The following FAM178B variants were observed in gnomAD, a reference collection of about 807,000 sequenced individuals.
The protein encoded by FAM178B is protein FAM178B.
FAM178B carries 82 observed loss-of-function variants against 91.7 expected under a neutral mutation model. The observed-to-expected ratio is 0.89, with a 90% confidence interval of 0.75 to 1.07. The LOEUF (loss-of-function observed/expected upper bound fraction) is 1.07. Among genes scored for constraint, FAM178B ranks in the 50% least tolerant of loss-of-function variants. The pLI is 0.00. For missense variants in FAM178B, 769 were observed against 846.7 expected (o/e 0.91, Z 1.14); for synonymous variants, 368 against 359.4 (o/e 1.02, Z -0.27).
At chr2:96,908,342 G>T (rs1290653261) in intron 12 of FAM178B, among the ~76,000 whole-genome samples, 2 of 152,328 alleles carry the variant, frequency 1.3e-5, no homozygotes, top group Non-Finnish European at 2.9e-5. Context: ...CAGGTGTTGA[G>T]CCAAGGAAGC....
At chr2:96,906,263 G>A (rs1342069020) in intron 12 of FAM178B, among the ~76,000 whole-genome samples, 10 of 147,032 alleles carry the variant, frequency 6.8e-5, no homozygotes, top group African/African-American at 2.0e-4. Context: ...GTGCAGTGGC[G>A]GCATCTCAGC....
chr2:96,893,206 C>G (rs1233753255), intron 14 of FAM178B, among the ~76,000 whole-genome samples: 1 of 152,148 alleles, frequency 6.6e-6, no homozygotes, highest in Non-Finnish European at 1.5e-5. Context: ...TCCCCAGGGG[C>G]AGCAGAGTAC....
Position 96,986,263 on chromosome 2 carries a change from C to T in FAM178B, c.51G>A (p.Gln17=). The T allele has an allele frequency of 6.5e-7, 1 of 1,534,576 alleles. No individual in the cohort carries two copies. The highest frequency in any genetic ancestry group is 1.2e-5 in the South Asian group (1 of 83,990). ...TACCTGTAAAATGGAGCCGCTGATC[C>T]TGCCTCCTGAGTTGTGGAGCGAGGC... The part of the protein sequence containing the change: ...GAGLAPQLRR[Q]DQRLHFTGQM... Residue 17 remains glutamine, a synonymous_variant, in exon 1 of 17, where the codon CAG becomes CAA. Transcript: ENST00000490605.
intron 9 of FAM178B, among the ~76,000 whole-genome samples, chr2:96,928,398 G>A (rs1574263018): frequency 2.0e-5 from 3 of 152,300 alleles, no homozygotes; most frequent in Admixed American, 2.0e-4. Flanking sequence ...AGCTATTTAT[G>A]CATCACGTGG....
At chr2:96,921,844 T>G (rs1251966715) in intron 10 of FAM178B, among the ~76,000 whole-genome samples, 190 bp from the exon 11 acceptor site, 1 of 151,590 alleles carries the variant, frequency 6.6e-6, no homozygotes, top group Non-Finnish European at 1.5e-5. Flanking sequence ...GTGTGGAGAG[T>G]GTGCTTGTCA....
At chr2:96,896,802 T>C (rs1360899013) in intron 13 of FAM178B, among the ~76,000 whole-genome samples, 2 of 152,206 alleles carry the variant, frequency 1.3e-5, no homozygotes, top group Non-Finnish European at 2.9e-5. Flanking sequence ...TGCCTCTCTC[T>C]TCCTTCCAGC....
rs1194285777 is a variant in FAM178B at position 96,986,225 on chromosome 2, G to A, written c.73+16C>T. 3 of 1,534,390 alleles carry A rather than the reference G, an allele frequency of 2.0e-6. No individual in the cohort carries two copies. The highest frequency in any genetic ancestry group is 1.2e-5 in the South Asian group (1 of 84,008). ...AACCACGCGCCCCTGCGGTTCCTCG[G>A]CCTCAGTTTCCTTACCTGTAAAATG... On this transcript the variant is annotated intron_variant, in intron 1 of 16. Transcript: ENST00000490605.
At chr2:96,975,094 C>CAA (rs34807786) in intron 1 of FAM178B, among the ~76,000 whole-genome samples, 1,516 of 55,758 alleles carry the variant, frequency 0.027, 141 homozygotes, top group African/African-American at 0.085. Flanking sequence ...GACTCTGTCT[C>CAA]AAAAAAAAAA....
In FAM178B at chr2:96,981,412, G is replaced by A. The variant is rs114150166; in HGVS notation, c.73+4829C>T. 6.7e-3 allele frequency among the ~76,000 whole-genome samples: 1,014 copies of A among 152,190 alleles called. 14 individuals carry two copies. Among genetic ancestry groups the A allele is most frequent in the African/African-American group, 0.023 (941 of 41,516 alleles). ...TTTCACTCTATTAATGGTATATTTC[G>A]ATAAAGAAAAGTCCTTAACTTTAAT... is the stretch of plus-strand genomic sequence containing the variant. On this transcript the variant is annotated intron_variant, in intron 1 of 16. Coordinates refer to ENST00000490605, the MANE Select transcript of FAM178B (RefSeq NM_001122646.3).
intron 1 of FAM178B, chr2:96,977,956 A>AGGGGGGGGG: frequency 8.6e-6 from 3 of 349,150 alleles, no homozygotes; most frequent in Non-Finnish European, 1.7e-5. Flanking sequence ...CGGGCGGGGG[A>AGGGGGGGGG]GGGGGGCGAC....
chr2:96,954,952 G>A (rs939216872), intron 6 of FAM178B, among the ~76,000 whole-genome samples: 1 of 152,144 alleles, frequency 6.6e-6, no homozygotes, highest in African/African-American at 2.4e-5. Context: ...TTGGGAGGCC[G>A]AGGCAAGAGG....
chr2:96,926,784 G>A (rs72942947), intron 9 of FAM178B, among the ~76,000 whole-genome samples: 2,202 of 152,310 alleles, frequency 0.014, 57 homozygotes, highest in African/African-American at 0.05. Context: ...AAGGAAATCC[G>A]AGATTAGGAA....
intron 14 of FAM178B, among the ~76,000 whole-genome samples, chr2:96,893,602 T>C (rs2080734685): frequency 6.6e-6 from 1 of 152,000 alleles, no homozygotes; most frequent in African/African-American, 2.4e-5. Context: ...ATCCAGCTCC[T>C]GCATCCTCCC....
chr2:96,952,866 A>G (rs907379052), intron 6 of FAM178B, among the ~76,000 whole-genome samples: 3 of 152,196 alleles, frequency 2.0e-5, no homozygotes. Flanking sequence ...GCATGCAAAG[A>G]ACATTTCAGA....
chr2:96,960,248 C>G, intron 6 of FAM178B, 40 bp downstream of exon 6: 1 of 1,548,572 alleles, frequency 6.5e-7, no homozygotes, highest in Non-Finnish European at 8.7e-7. Flanking sequence ...GGGTCCTGGA[C>G]AGGCTGCGCC....
chr2:96,955,005 G>A (rs571545442), intron 6 of FAM178B, among the ~76,000 whole-genome samples: 206 of 152,282 alleles, frequency 1.4e-3, no homozygotes, highest in Non-Finnish European at 2.5e-3. Flanking sequence ...AGCTGTGATC[G>A]TACTACTGCA....
chr2:96,980,229 C>T (rs2082344599), intron 1 of FAM178B, among the ~76,000 whole-genome samples: 1 of 152,034 alleles, frequency 6.6e-6, no homozygotes, highest in Non-Finnish European at 1.5e-5. Flanking sequence ...GCATGCACCA[C>T]CACACCCAGC....
intron 8 of FAM178B, among the ~76,000 whole-genome samples, chr2:96,930,254 G>A (rs10874468): frequency 0.52 from 72,493 of 138,860 alleles, 21,425 homozygotes; most frequent in Non-Finnish European, 0.68. Context: ...ATCTGACCAC[G>A]TCAGCAAACA....
intron 12 of FAM178B, among the ~76,000 whole-genome samples, chr2:96,908,852 C>T (rs1236298698): frequency 1.3e-5 from 2 of 152,242 alleles, no homozygotes; most frequent in East Asian, 3.9e-4. Context: ...GCTTAGAAAA[C>T]ACCTTGAAGT....
Sources: allele counts gnomAD v4.1 joint callset (sites outside exome capture counted in the v4.1 genomes callset), GRCh38; gene constraint gnomAD v4.1.1; transcripts MANE v1.5; gene names NCBI Gene and HGNC (gene_info 2026-07-23, HGNC 2026-07-21).